Variants in PDE4D observed in about 807,000 individuals in gnomAD.
PDE4D encodes the protein phosphodiesterase 4D, also known as 3',5'-cyclic-AMP phosphodiesterase 4D.
PDE4D carries 24 observed loss-of-function variants against 87.4 expected under a neutral mutation model. That is an observed-to-expected ratio of 0.27 (90% confidence interval 0.20 to 0.39). The LOEUF (loss-of-function observed/expected upper bound fraction) is 0.39. Among genes scored for constraint, PDE4D ranks in the 10% least tolerant of loss-of-function variants. PDE4D has a pLI of 1.00. For missense variants in PDE4D, 714 were observed against 1,041.0 expected, an observed-to-expected ratio of 0.69 and a Z score of 4.32; for synonymous variants, 384 against 383.2, an observed-to-expected ratio of 1.00 and a Z score of -0.02.
intron 5 of PDE4D, among the ~76,000 whole-genome samples, chr5:59,087,735 T>C (rs954954102): frequency 2.0e-5 from 3 of 152,144 alleles, no homozygotes; most frequent in Admixed American, 2.0e-4. Context: ...TCACCTATAG[T>C]GCCACAATCT....
In PDE4D at chr5:58,988,539, A is replaced by G. The variant is rs2153335861; in HGVS notation, c.1506T>C (p.His502=). The change falls in exon 11 of 15, where the codon CAT becomes CAC. Residue 502 remains histidine (H), a synonymous_variant. Transcript: ENST00000340635. ...TGGACACACCAGGATGATCTACATCATGTATTGCACTGGCAAAAATTGCTG... is the reference window on the plus strand; with the variant it reads ...TGGACACACCAGGATGATCTACATCGTGTATTGCACTGGCAAAAATTGCTG... ...ILAAIFASAI[H]DVDHPGVSNQ... The G allele has an allele frequency of 6.6e-7, 1 of 1,510,244 alleles. No homozygotes were observed. The highest frequency in any genetic ancestry group is 8.9e-7 in the Non-Finnish European group (1 of 1,122,344). 93.6% of individuals were successfully genotyped at this position (1,510,244 alleles called of 1,614,324 possible). A position where few individuals can be genotyped will look rare whatever the true frequency, so the allele number is the denominator to read the frequency against.
chr5:58,995,356 G>C (rs1452563734), intron 6 of PDE4D, among the ~76,000 whole-genome samples: 1 of 152,018 alleles, frequency 6.6e-6, no homozygotes, highest in African/African-American at 2.4e-5. Flanking sequence ...CTGGCATCAG[G>C]TGGTATACAG....
At chr5:60,220,193 G>A (rs912480243) in intron 1 of PDE4D, among the ~76,000 whole-genome samples, 1 of 152,144 alleles carries the variant, frequency 6.6e-6, no homozygotes, top group Admixed American at 6.5e-5. Flanking sequence ...AAGATCAGGT[G>A]CTAGTTGTTG....
intron 1 of PDE4D, among the ~76,000 whole-genome samples, chr5:60,204,289 C>G (rs1170736613): frequency 6.6e-6 from 1 of 152,134 alleles, no homozygotes; most frequent in African/African-American, 2.4e-5. Context: ...CTGTCTCTAT[C>G]TGTCATCTAT....
chr5:59,425,573 C>G (rs1343997499), intron 1 of PDE4D, among the ~76,000 whole-genome samples: 1 of 152,102 alleles, frequency 6.6e-6, no homozygotes, highest in African/African-American at 2.4e-5. Flanking sequence ...AATTTTAATA[C>G]CTCCACTCCT....
At chr5:60,227,659 G>A (rs1745286363) in intron 1 of PDE4D, among the ~76,000 whole-genome samples, 1 of 151,592 alleles carries the variant, frequency 6.6e-6, no homozygotes, top group African/African-American at 2.4e-5. Flanking sequence ...ACGAAGGAAA[G>A]AAGGAAGGAA....
chr5:59,101,329 A>G (rs974359690), intron 5 of PDE4D, among the ~76,000 whole-genome samples: 2 of 152,132 alleles, frequency 1.3e-5, no homozygotes, highest in Admixed American at 1.3e-4. Flanking sequence ...TAGACTCCTG[A>G]ATTCTTAGGT....
rs111601270 is a variant in PDE4D at position 59,500,391 on chromosome 5, G to A, written c.456-284423C>T. 3.3e-3 allele frequency among the ~76,000 whole-genome samples: 496 copies of A among 152,226 alleles called. 2 individuals are homozygous for A. The highest frequency in any genetic ancestry group is 0.011 in the African/African-American group (456 of 41,522). ...CAATGGTGGGCTGGATAAAGAAAAT[G>A]TGCTACATATATACCAGGAAATACT... On this transcript the variant is annotated intron_variant, in intron 1 of 14. Transcript: ENST00000340635.
At chr5:60,302,998 T>A (rs1754060627) in intron 1 of PDE4D, among the ~76,000 whole-genome samples, 2 of 151,818 alleles carry the variant, frequency 1.3e-5, no homozygotes, top group East Asian at 3.9e-4. Flanking sequence ...CCAGCTACTT[T>A]TTGTATTTTT....
intron 2 of PDE4D, among the ~76,000 whole-genome samples, chr5:60,024,603 G>A (rs974421970): frequency 6.6e-6 from 1 of 152,054 alleles, no homozygotes; most frequent in Non-Finnish European, 1.5e-5. Context: ...GTGATTTAAG[G>A]CATCATGTAA....
At chr5:60,086,615 G>C (rs1321801963) in intron 2 of PDE4D, among the ~76,000 whole-genome samples, 2 of 152,218 alleles carry the variant, frequency 1.3e-5, no homozygotes, top group Non-Finnish European at 2.9e-5. Flanking sequence ...GATAGTATAA[G>C]GGGACAAATG....
intron 1 of PDE4D, among the ~76,000 whole-genome samples, chr5:60,226,007 G>A (rs6865993): frequency 6.6e-6 from 1 of 152,026 alleles, no homozygotes; most frequent in African/African-American, 2.4e-5. Context: ...TAAGTATATG[G>A]ATATGCAGGT....
chr5:60,280,116 A>G (rs964049924), intron 1 of PDE4D, among the ~76,000 whole-genome samples: 8 of 152,160 alleles, frequency 5.3e-5, no homozygotes, highest in African/African-American at 1.9e-4. Context: ...CTATTTCTAT[A>G]TAAATAACAT....
chr5:59,567,952 G>A (rs1351361265), intron 1 of PDE4D, among the ~76,000 whole-genome samples: 3 of 152,120 alleles, frequency 2.0e-5, no homozygotes, highest in Non-Finnish European at 4.4e-5. Flanking sequence ...ATATGTCCTT[G>A]CTCTGTCAGC....
intron 2 of PDE4D, among the ~76,000 whole-genome samples, chr5:60,164,223 T>G (rs1325312937): frequency 6.6e-6 from 1 of 152,052 alleles, no homozygotes; most frequent in Non-Finnish European, 1.5e-5. Context: ...TATTACTAAA[T>G]TATCAATAAT....
At chr5:59,226,006 T>G (rs1429003264) in intron 1 of PDE4D, among the ~76,000 whole-genome samples, 1 of 150,950 alleles carries the variant, frequency 6.6e-6, no homozygotes, top group Non-Finnish European at 1.5e-5. Flanking sequence ...AAAAAACCTG[T>G]TGGCAAGGAC....
intron 1 of PDE4D, among the ~76,000 whole-genome samples, chr5:59,519,100 T>C (rs1203624790): frequency 6.6e-6 from 1 of 152,190 alleles, no homozygotes; most frequent in Non-Finnish European, 1.5e-5. Context: ...CTTTCAACTT[T>C]CCTCTTTCTC....
At chr5:60,388,959 T>A (rs1454230266) in intron 1 of PDE4D, among the ~76,000 whole-genome samples, 1 of 152,242 alleles carries the variant, frequency 6.6e-6, no homozygotes, top group Non-Finnish European at 1.5e-5. Context: ...CTAAGCATAT[T>A]CACTTCTTTT....
chr5:59,197,768 G>A (rs1745792513), intron 2 of PDE4D, among the ~76,000 whole-genome samples: 2 of 152,290 alleles, frequency 1.3e-5, no homozygotes, highest in East Asian at 3.9e-4. Context: ...ATATGATTTG[G>A]TTTAAAGTAT....
Sources: allele counts gnomAD v4.1 joint callset (sites outside exome capture counted in the v4.1 genomes callset), GRCh38; gene constraint gnomAD v4.1.1; transcripts MANE v1.5; gene names NCBI Gene and HGNC (gene_info 2026-07-23, HGNC 2026-07-21).